The following KAZN variants were observed in gnomAD, a reference collection of about 807,000 sequenced individuals.
The protein encoded by KAZN is kazrin, periplakin interacting protein.
In KAZN, 40 loss-of-function variants were observed where a neutral mutation model predicts 87.4. The ratio of observed to expected loss-of-function variants is 0.46; its 90% confidence interval spans 0.36 to 0.60. The LOEUF (loss-of-function observed/expected upper bound fraction) is 0.60. Ranked by LOEUF, KAZN falls within the 20% of genes least tolerant of loss-of-function variation. KAZN has a pLI of 0.00. For missense variants in KAZN, 898 were observed against 1,073.9 expected, an observed-to-expected ratio of 0.84 and a Z score of 2.29; for synonymous variants, 466 against 458.3, an observed-to-expected ratio of 1.02 and a Z score of -0.22.
intron 1 of KAZN, among the ~76,000 whole-genome samples, chr1:14,001,011 T>C (rs1294874205): frequency 6.6e-6 from 1 of 151,736 alleles, no homozygotes; most frequent in Non-Finnish European, 1.5e-5. Context: ...CTCGATCTCC[T>C]GACCTCGTGA....
At chr1:14,840,803 A>T (rs571926864) in intron 1 of KAZN, among the ~76,000 whole-genome samples, 1 of 152,216 alleles carries the variant, frequency 6.6e-6, no homozygotes, top group African/African-American at 2.4e-5. Context: ...CAGAAGGGTA[A>T]TTTATTCATA....
At position 14,282,001 on chromosome 1, in the gene KAZN, G is replaced by T. The variant is rs547444679; in HGVS notation, c.249+101409G>T. Among the ~76,000 whole-genome samples the T allele has an allele frequency of 2.0e-5, 3 of 152,286 alleles. No individual in the cohort carries two copies. The South Asian group carries it at 6.2e-4, about 32-fold the overall frequency. The stretch of plus-strand genomic sequence containing the variant: ...CAGCTCCCCACACCTACAGTTTAAG[G>T]AATCAGTGGATCAGCTTAATTCTGT... On this transcript the variant is annotated intron_variant, in intron 2 of 16. Transcript: ENST00000636203.
chr1:14,161,343 A>G (rs1443799701), intron 1 of KAZN, among the ~76,000 whole-genome samples: 1 of 152,214 alleles, frequency 6.6e-6, no homozygotes, highest in African/African-American at 2.4e-5. Context: ...ATGCAGTCAC[A>G]GTGTTGCCTG....
intron 1 of KAZN, among the ~76,000 whole-genome samples, chr1:14,774,458 T>C (rs904187276): frequency 1.2e-4 from 18 of 150,316 alleles, no homozygotes; most frequent in Non-Finnish European, 2.2e-4. Flanking sequence ...TTTTCTTGGT[T>C]CTTGAACAGA....
chr1:14,636,371 A>G (rs1679985210), intron 1 of KAZN, among the ~76,000 whole-genome samples: 1 of 152,182 alleles, frequency 6.6e-6, no homozygotes, highest in South Asian at 2.1e-4. Context: ...CTCTAGATGG[A>G]GAGAGTGTTG....
At chr1:14,141,745 C>T (rs2101768713) in intron 1 of KAZN, among the ~76,000 whole-genome samples, 1 of 152,278 alleles carries the variant, frequency 6.6e-6, no homozygotes, top group Middle Eastern at 3.4e-3. Context: ...CGAGTTTTGG[C>T]AGCATGTGCT....
At chr1:14,674,406 G>T (rs190197201) in intron 1 of KAZN, among the ~76,000 whole-genome samples, 2 of 152,340 alleles carry the variant, frequency 1.3e-5, no homozygotes, top group Admixed American at 6.5e-5. Flanking sequence ...TGAAAGCAAA[G>T]GTCACCCTGG....
chr1:14,941,509 A>T (rs1042009454), intron 1 of KAZN, among the ~76,000 whole-genome samples: 3 of 131,814 alleles, frequency 2.3e-5, no homozygotes, highest in African/African-American at 8.5e-5. Flanking sequence ...AACCTGAATC[A>T]GCAGCCTATC....
chr1:14,058,237 T>G (rs1642655589), intron 1 of KAZN, among the ~76,000 whole-genome samples: 1 of 152,120 alleles, frequency 6.6e-6, no homozygotes, highest in South Asian at 2.1e-4. Context: ...ACAGACCCCT[T>G]CTCTTCTTCC....
rs147635997 is a variant in KAZN, at chr1:14,352,813, T to C, written c.249+172221T>C. Among the ~76,000 whole-genome samples the C allele has an allele frequency of 3.3e-3, 510 of 152,316 alleles. 2 individuals are homozygous for C. The highest frequency in any genetic ancestry group is 0.012 in the African/African-American group (481 of 41,572). ...TTACATACCAACATATTAAAAAGGA[T>C]AATACATCATGACTGGCTGGAGTTT... On this transcript the variant is annotated intron_variant, in intron 2 of 16. Coordinates refer to the KAZN transcript ENST00000636203.
At chr1:14,968,376 C>T (rs148031086) in intron 2 of KAZN, among the ~76,000 whole-genome samples, 420 of 152,242 alleles carry the variant, frequency 2.8e-3, no homozygotes, top group African/African-American at 9.7e-3. Flanking sequence ...AAACTTCGCT[C>T]GCTCGCCCCT....
intron 1 of KAZN, among the ~76,000 whole-genome samples, chr1:13,969,125 A>G (rs991356805): frequency 7.9e-5 from 12 of 152,240 alleles, no homozygotes; most frequent in African/African-American, 2.9e-4. Context: ...TATGGCAGTA[A>G]ACAAAAAACA....
chr1:14,757,293 C>G (rs1393794114), intron 1 of KAZN, among the ~76,000 whole-genome samples: 1 of 152,230 alleles, frequency 6.6e-6, no homozygotes, highest in Non-Finnish European at 1.5e-5. Context: ...CAACACCTGC[C>G]TGCTCCTGCT....
chr1:14,393,109 C>A (rs1662596559), intron 2 of KAZN, among the ~76,000 whole-genome samples: 1 of 152,148 alleles, frequency 6.6e-6, no homozygotes, highest in South Asian at 2.1e-4. Flanking sequence ...AAGGTTCCAC[C>A]ATCTCTCTGA....
rs141555102 is a variant in KAZN, at chr1:14,746,817, C to T, written c.226+147594C>T. 2.2e-3 allele frequency among the ~76,000 whole-genome samples: 342 copies of T among 152,246 alleles called. 2 individuals are homozygous for T. Among genetic ancestry groups the T allele is most frequent in the African/African-American group, 7.9e-3 (327 of 41,534 alleles). On this transcript the variant is annotated intron_variant, in intron 1 of 14. Transcript: ENST00000376030. The stretch of plus-strand genomic sequence containing the variant: ...GAGATGTCACTGCTGTAAATGATTT[C>T]CTTTTCAGTTATTTTATATGTTGGT...
chr1:14,818,661 G>A (rs1646645031), intron 1 of KAZN, among the ~76,000 whole-genome samples: 1 of 152,190 alleles, frequency 6.6e-6, no homozygotes, highest in African/African-American at 2.4e-5. Context: ...AACCCAAATG[G>A]AGGCCAAAAC....
At chr1:15,102,474 G>A (rs753639288) in intron 11 of KAZN, among the ~76,000 whole-genome samples, 6 of 152,136 alleles carry the variant, frequency 3.9e-5, no homozygotes, top group Non-Finnish European at 7.4e-5. Context: ...TGGCTTTGAG[G>A]TGGGAGGTGG....
chr1:14,558,641 A>G (rs1270354262), intron 2 of KAZN, among the ~76,000 whole-genome samples: 3 of 152,174 alleles, frequency 2.0e-5, no homozygotes, highest in African/African-American at 4.8e-5. Flanking sequence ...ATAAAAGAGT[A>G]TCAGGTATAT....
intron 1 of KAZN, among the ~76,000 whole-genome samples, chr1:14,775,473 C>A (rs1377214559): frequency 6.6e-6 from 1 of 152,232 alleles, no homozygotes; most frequent in Non-Finnish European, 1.5e-5. Flanking sequence ...ATGGGGCCCT[C>A]AGAGATGATC....
Sources: allele counts gnomAD v4.1 joint callset (sites outside exome capture counted in the v4.1 genomes callset), GRCh38; gene constraint gnomAD v4.1.1; transcripts MANE v1.5; gene names NCBI Gene and HGNC (gene_info 2026-07-23, HGNC 2026-07-21).